The following SOX6 variants were observed in gnomAD, a reference collection of about 807,000 sequenced individuals.
SOX6 encodes transcription factor SOX-6.
A neutral mutation model predicts 97.8 loss-of-function variants in SOX6; 11 were observed. The observed-to-expected ratio is 0.11, with a 90% confidence interval of 0.07 to 0.19. The LOEUF (loss-of-function observed/expected upper bound fraction) is 0.19. Among genes scored for constraint, SOX6 ranks in the 10% least tolerant of loss-of-function variants. The pLI, the probability that SOX6 is intolerant of heterozygous loss-of-function variation, is 1.00. For missense variants in SOX6, 810 were observed against 1,039.5 expected (o/e 0.78, Z 3.04); for synonymous variants, 360 against 371.4 (o/e 0.97, Z 0.35).
At chr11:16,410,779 A>AAG (rs1858791826) in intron 1 of SOX6, among the ~76,000 whole-genome samples, 3 of 150,060 alleles carry the variant, frequency 2.0e-5, no homozygotes, top group Admixed American at 6.6e-5. Flanking sequence ...AAAAAAAAAA[A>AAG]GATATGAACA....
intron 3 of SOX6, among the ~76,000 whole-genome samples, chr11:16,243,664 CA>C (rs1394595437): frequency 6.6e-6 from 1 of 151,878 alleles, no homozygotes; most frequent in Non-Finnish European, 1.5e-5. Flanking sequence ...GCTCCCTTTC[CA>C]GGCAATCATC....
intron 1 of SOX6, among the ~76,000 whole-genome samples, chr11:16,408,515 A>G (rs149992825): frequency 6.0e-4 from 91 of 152,328 alleles, no homozygotes; most frequent in African/African-American, 2.0e-3. Flanking sequence ...TAAAATTATC[A>G]TACAATTAGA....
intron 1 of SOX6, chr11:16,402,861 A>G: frequency 6.5e-7 from 1 of 1,538,134 alleles, no homozygotes; most frequent in Non-Finnish European, 8.8e-7. Context: ...GGTCTCTCCT[A>G]ACAACTAAAA....
intron 6 of SOX6, among the ~76,000 whole-genome samples, chr11:16,132,444 A>AGAAAGAAAAAG (rs1554934020): frequency 7.3e-5 from 2 of 27,230 alleles, no homozygotes; most frequent in African/African-American, 3.4e-4. Flanking sequence ...AAAGAAAGAA[A>AGAAAGAAAAAG]AAAGAAAGAA....
At chr11:16,076,878 T>C (rs60677817) in intron 9 of SOX6, among the ~76,000 whole-genome samples, 18 of 150,526 alleles carry the variant, frequency 1.2e-4, no homozygotes, top group South Asian at 8.5e-4. Context: ...CTCAGCCTCC[T>C]GAGTAGCTGG....
At chr11:16,230,219 T>G (rs920399133) in intron 4 of SOX6, among the ~76,000 whole-genome samples, 1 of 149,856 alleles carries the variant, frequency 6.7e-6, no homozygotes, top group Non-Finnish European at 1.5e-5. Flanking sequence ...TATGAAATAT[T>G]AAAAACAATT....
intron 3 of SOX6, among the ~76,000 whole-genome samples, chr11:16,291,698 T>C: frequency 6.6e-6 from 1 of 152,142 alleles, no homozygotes; most frequent in Admixed American, 6.6e-5. Flanking sequence ...GCTAAAATAA[T>C]GCTATTGTGA....
At chr11:16,406,348 G>A (rs781150259) in intron 1 of SOX6, among the ~76,000 whole-genome samples, 1 of 152,074 alleles carries the variant, frequency 6.6e-6, no homozygotes, top group Admixed American at 6.6e-5. Flanking sequence ...CCAAAACTTA[G>A]TGGCTTAAAA....
chr11:16,319,253 T>G (rs935940046), intron 2 of SOX6, among the ~76,000 whole-genome samples: 2 of 152,180 alleles, frequency 1.3e-5, no homozygotes, highest in African/African-American at 4.8e-5. Flanking sequence ...TGTTTTGTTT[T>G]GGTTTTTCTA....
intron 1 of SOX6, among the ~76,000 whole-genome samples, chr11:16,426,909 G>A (rs1443148534): frequency 6.0e-5 from 4 of 66,474 alleles, no homozygotes; most frequent in Admixed American, 5.3e-4. Flanking sequence ...GCGAGACTCC[G>A]TCTCAAAAAA....
At chr11:16,648,509 C>G (rs1011706896) in intron 3 of SOX6, among the ~76,000 whole-genome samples, 1 of 152,174 alleles carries the variant, frequency 6.6e-6, no homozygotes, top group Non-Finnish European at 1.5e-5. Flanking sequence ...GCTTAGAGCC[C>G]CCTACCACTA....
At chr11:16,132,391 AAAGAAAGAAAAAAGAAAGAAAGAAAG>A (rs1849802708) in intron 6 of SOX6, among the ~76,000 whole-genome samples, 1 of 88,092 alleles carries the variant, frequency 1.1e-5, no homozygotes, top group African/African-American at 4.9e-5. Context: ...AGAAAGAAAG[AAAGAAAGAAAAAAGAAAGAAAGAAAG>A]AAAGAAAGAA....
At chr11:16,737,715 T>C (rs928547907) in intron 1 of SOX6, among the ~76,000 whole-genome samples, 3 of 151,994 alleles carry the variant, frequency 2.0e-5, no homozygotes, top group Admixed American at 6.6e-5. Flanking sequence ...ATCACTTGAA[T>C]CTGGAGAGAG....
At chr11:16,736,851 A>G (rs1215033796) in intron 1 of SOX6, among the ~76,000 whole-genome samples, 2 of 151,974 alleles carry the variant, frequency 1.3e-5, no homozygotes. Context: ...TCTTGGGTTT[A>G]CTCTCCTCCT....
At chr11:16,646,861 C>A (rs1270826285) in intron 3 of SOX6, among the ~76,000 whole-genome samples, 1 of 152,152 alleles carries the variant, frequency 6.6e-6, no homozygotes, top group Non-Finnish European at 1.5e-5. Context: ...GTGCAAGTAT[C>A]TTTTTTGTAT....
rs1248942582 is a variant in SOX6, at chr11:16,659,342, G to GC, written n.430-47083_430-47082insG. Among the ~76,000 whole-genome samples the GC allele has an allele frequency of 1.1e-4, 17 of 152,314 alleles. No homozygotes were observed. The East Asian group carries it at 3.3e-3, about 29-fold the overall frequency. The stretch of plus-strand genomic sequence containing the variant: ...CCTTTGCACCTTTTGCCAAAGATTA[G>GC]TTGATTGTATTTGTGTAGTTCTATT... On this transcript the variant is annotated intron_variant and non_coding_transcript_variant, in intron 3 of 5. Coordinates refer to the SOX6 transcript ENST00000524520.
chr11:16,451,939 T>C (rs1859724675), intron 1 of SOX6, among the ~76,000 whole-genome samples: 2 of 151,602 alleles, frequency 1.3e-5, no homozygotes, highest in East Asian at 3.9e-4. Context: ...GCCATGGTCA[T>C]GCCACTGCAC....
intron 1 of SOX6, among the ~76,000 whole-genome samples, chr11:16,398,212 C>T (rs1197597530): frequency 2.0e-5 from 3 of 151,528 alleles, no homozygotes; most frequent in African/African-American, 7.3e-5. Flanking sequence ...TTAAGCTTAC[C>T]TAAGAAGGAC....
chr11:16,583,624 T>TATATACACACACACAC (rs1565186444), intron 4 of SOX6, among the ~76,000 whole-genome samples: 36 of 138,846 alleles, frequency 2.6e-4, no homozygotes, highest in Middle Eastern at 3.9e-3. Flanking sequence ...CATATATATA[T>TATATACACACACACAC]ATATATATAT....
Sources: gnomAD v4.1 joint callset for allele counts (sites outside exome capture counted in the v4.1 genomes callset) on GRCh38, gnomAD v4.1.1 for gene constraint, MANE v1.5 for transcripts, NCBI Gene and HGNC (gene_info 2026-07-23, HGNC 2026-07-21) for gene names.